PIK3C2G: variants seen among roughly 807,000 people sequenced by gnomAD.
PIK3C2G encodes the protein phosphatidylinositol 3-kinase C2 domain-containing subunit gamma.
A neutral mutation model predicts 181.1 loss-of-function variants in PIK3C2G; 168 were observed. That is an observed-to-expected ratio of 0.93 (90% CI 0.82 to 1.05). PIK3C2G has a LOEUF of 1.05. PIK3C2G is among the 50% of genes least tolerant of loss of function. The probability of loss-of-function intolerance (pLI) is 0.00; values close to 1 mark genes in which losing one functional copy is unlikely to be tolerated. For synonymous variants in PIK3C2G, 573 were observed against 592.2 expected, an observed-to-expected ratio of 0.97 and a Z score of 0.47; for missense variants, 1,869 against 1,732.8, an observed-to-expected ratio of 1.08 and a Z score of -1.40.
At chr12:18,411,711 T>C (rs1944876597) in intron 16 of PIK3C2G, among the ~76,000 whole-genome samples, 1 of 152,210 alleles carries the variant, frequency 6.6e-6, no homozygotes, top group Non-Finnish European at 1.5e-5. Context: ...AATAGCCTCA[T>C]GGCATATTCT....
intron 10 of PIK3C2G, among the ~76,000 whole-genome samples, chr12:18,345,007 G>A (rs12301264): frequency 0.014 from 2,165 of 152,194 alleles, 45 homozygotes; most frequent in African/African-American, 0.05. Context: ...TAACCAAATG[G>A]CTAAGTTTTC....
intron 14 of PIK3C2G, among the ~76,000 whole-genome samples, chr12:18,385,083 A>G (rs1443326246): frequency 6.6e-6 from 1 of 152,176 alleles, no homozygotes; most frequent in Non-Finnish European, 1.5e-5. Flanking sequence ...TCTCGGGGAA[A>G]GACATCTGGC....
chr12:18,280,152 C>T (rs1010818769), intron 1 of PIK3C2G, among the ~76,000 whole-genome samples: 3 of 151,980 alleles, frequency 2.0e-5, no homozygotes, highest in African/African-American at 7.2e-5. Context: ...CATTTTTCTC[C>T]TAACTAAAGT....
At chr12:18,487,466 A>G (rs1940167329) in intron 18 of PIK3C2G, among the ~76,000 whole-genome samples, 1 of 152,038 alleles carries the variant, frequency 6.6e-6, no homozygotes, top group Middle Eastern at 3.2e-3. Flanking sequence ...ATTATCTTTT[A>G]GTTCCTTGAA....
the PIK3C2G span, chr12:18,683,079 C>A: frequency 4.4e-6 from 3 of 683,216 alleles, no homozygotes; most frequent in African/African-American, 3.7e-5. Context: ...TCTTTTCTTC[C>A]ACTGATTTAT....
intron 26 of PIK3C2G, among the ~76,000 whole-genome samples, chr12:18,550,674 C>A (rs1944682702): frequency 1.3e-5 from 2 of 151,944 alleles, no homozygotes; most frequent in Admixed American, 1.3e-4. Flanking sequence ...CTTTTTATTT[C>A]TTTGTTCTGA....
chr12:18,491,372 A>G (rs1276183414), intron 19 of PIK3C2G, 79 bp from the exon 20 acceptor site: 1 of 753,834 alleles, frequency 1.3e-6, no homozygotes. Flanking sequence ...CATTTAATCA[A>G]TAGAAGAAAA....
At chr12:18,321,965 A>T (rs941435539) in intron 7 of PIK3C2G, among the ~76,000 whole-genome samples, 1 of 152,214 alleles carries the variant, frequency 6.6e-6, no homozygotes, top group African/African-American at 2.4e-5. Context: ...GCATCAGGAT[A>T]AATAGCTAAT....
intron 2 of PIK3C2G, among the ~76,000 whole-genome samples, chr12:18,283,024 G>A (rs1179638530): frequency 6.6e-6 from 1 of 151,588 alleles, no homozygotes; most frequent in Non-Finnish European, 1.5e-5. Flanking sequence ...TTTTAGTTAT[G>A]GTACCTTCAT....
chr12:18,327,129 C>T (rs376211214), intron 8 of PIK3C2G, among the ~76,000 whole-genome samples: 20 of 151,982 alleles, frequency 1.3e-4, no homozygotes, highest in Non-Finnish European at 2.4e-4. Flanking sequence ...AATCATCACT[C>T]GCAGCTAAAT....
chr12:18,396,779 A>C (rs989609502), intron 15 of PIK3C2G, among the ~76,000 whole-genome samples: 4 of 151,704 alleles, frequency 2.6e-5, no homozygotes, highest in Admixed American at 1.3e-4. Flanking sequence ...ATTAAAGAAA[A>C]TCTAAATAAA....
Position 18,292,227 on chromosome 12 carries a change from A to AAAAAAATAT in PIK3C2G, c.919+1216_919+1217insAAAAATATA. On this transcript the variant is annotated intron_variant, in intron 4 of 32. Coordinates refer to ENST00000538779, the MANE Select transcript of PIK3C2G (RefSeq NM_001288772.2). Reference sequence around the variant, plus strand: ...CTCCATCTCAAAAAAAAAAAAAAAAAATATATATATATATATATATATATA... The same window carrying AAAAAAATAT: ...CTCCATCTCAAAAAAAAAAAAAAAAAAAAAAATATATATATATATATATATATATATATA... Among the ~76,000 whole-genome samples, 14 of 48,724 alleles carry AAAAAAATAT rather than the reference A, an allele frequency of 2.9e-4. 1 individual carries two copies. Among genetic ancestry groups the AAAAAAATAT allele is most frequent in the African/African-American group, 6.6e-4 (6 of 9,060 alleles). 32.0% of individuals were successfully genotyped at this position (48,724 alleles called of 152,430 possible).
chr12:18,548,109 T>C (rs1944533072), intron 26 of PIK3C2G, among the ~76,000 whole-genome samples: 1 of 151,878 alleles, frequency 6.6e-6, no homozygotes, highest in Non-Finnish European at 1.5e-5. Context: ...GTTTACGTGG[T>C]AGCAAAAATA....
Position 18,573,500 on chromosome 12 carries a change from C to A in PIK3C2G, c.4011+6443C>A, listed in dbSNP as rs531617638. On this transcript the variant is annotated intron_variant, in intron 29 of 32. Transcript: ENST00000538779. Reference sequence around the variant, plus strand: ...TCCCACTTGTGTGAGTAAACACCCACAACAGAGAAGCAGTGCCAAATCCTG... The same window carrying A: ...TCCCACTTGTGTGAGTAAACACCCAAAACAGAGAAGCAGTGCCAAATCCTG... Among the ~76,000 whole-genome samples, 25 of 152,354 alleles carry A rather than the reference C, an allele frequency of 1.6e-4. 2 individuals carry two copies. The East Asian group carries it at 4.8e-3, about 29-fold the overall frequency.
At chr12:18,679,100 G>A in the PIK3C2G span, among the ~76,000 whole-genome samples, 1 of 152,146 alleles carries the variant, frequency 6.6e-6, no homozygotes, top group Admixed American at 6.5e-5. Context: ...TTCTTTTCAT[G>A]TGCTTATTAA....
intron 18 of PIK3C2G, among the ~76,000 whole-genome samples, chr12:18,460,293 T>C (rs1248689012): frequency 6.6e-6 from 1 of 151,946 alleles, no homozygotes; most frequent in Non-Finnish European, 1.5e-5. Context: ...AAACTAATTG[T>C]CCAGGTGCGG....
intron 31 of PIK3C2G, among the ~76,000 whole-genome samples, chr12:18,623,371 T>C (rs989361309): frequency 1.3e-5 from 2 of 151,834 alleles, no homozygotes; most frequent in African/African-American, 2.4e-5. Context: ...GTTCTTGGGC[T>C]CTCTAATCTG....
At chr12:18,282,958 T>A (rs1949286375) in intron 2 of PIK3C2G, among the ~76,000 whole-genome samples, 199 bp downstream of exon 2, 1 of 149,296 alleles carries the variant, frequency 6.7e-6, no homozygotes. Context: ...AAAAAAAAAA[T>A]CATCTATAAA....
chr12:18,274,792 T>G (rs1948910482), intron 1 of PIK3C2G, among the ~76,000 whole-genome samples: 1 of 152,076 alleles, frequency 6.6e-6, no homozygotes, highest in Admixed American at 6.6e-5. Flanking sequence ...ACCCTAAAAC[T>G]TAAAGTATAA....
Sources: gnomAD v4.1 joint callset for allele counts (sites outside exome capture counted in the v4.1 genomes callset) on GRCh38, gnomAD v4.1.1 for gene constraint, MANE v1.5 for transcripts, NCBI Gene and HGNC (gene_info 2026-07-23, HGNC 2026-07-21) for gene names.